RBFOX1: variants seen among roughly 807,000 people sequenced by gnomAD.
RBFOX1 encodes RNA binding fox-1 homolog 1, also known as RNA binding protein fox-1 homolog 1.
Under a neutral mutation model 57.7 loss-of-function variants are expected in RBFOX1, and 8 were observed. The observed-to-expected ratio is 0.14, with a 90% CI of 0.08 to 0.25. RBFOX1 has a LOEUF of 0.25. Ranked by LOEUF, RBFOX1 falls within the 10% of genes least tolerant of loss-of-function variation. The pLI, the probability that RBFOX1 is intolerant of heterozygous loss-of-function variation, is 1.00. For missense variants in RBFOX1, 611 were observed against 548.5 expected, an observed-to-expected ratio of 1.11 and a Z score of -1.14; for synonymous variants, 326 against 222.4, an observed-to-expected ratio of 1.47 and a Z score of -4.15.
intron 1 of RBFOX1, among the ~76,000 whole-genome samples, chr16:6,021,933 C>G (rs1315769028): frequency 6.6e-6 from 1 of 152,196 alleles, no homozygotes; most frequent in African/African-American, 2.4e-5. Context: ...TTTATTCTTT[C>G]AAGTAGATTC....
intron 4 of RBFOX1, among the ~76,000 whole-genome samples, chr16:7,439,108 C>G (rs1326525856): frequency 6.6e-6 from 1 of 152,180 alleles, no homozygotes; most frequent in Non-Finnish European, 1.5e-5. Flanking sequence ...GAGCATGGTC[C>G]TCGCGCTGGC....
At chr16:6,945,966 A>G (rs1013977162) in intron 3 of RBFOX1, among the ~76,000 whole-genome samples, 1 of 152,162 alleles carries the variant, frequency 6.6e-6, no homozygotes, top group South Asian at 2.1e-4. Flanking sequence ...TTCTGCCTCA[A>G]TTTCCACAAG....
chr16:5,299,872 C>A (rs146905024), intron 1 of RBFOX1, among the ~76,000 whole-genome samples: 7 of 151,992 alleles, frequency 4.6e-5, no homozygotes, highest in Non-Finnish European at 8.8e-5. Context: ...TATTCCTGAT[C>A]TTAAGGGAAA....
At chr16:5,886,027 A>G (rs910445707) in intron 4 of RBFOX1, among the ~76,000 whole-genome samples, 1 of 151,782 alleles carries the variant, frequency 6.6e-6, no homozygotes, top group African/African-American at 2.4e-5. Context: ...CGTGGGTAAC[A>G]CCTCTCCCTT....
intron 2 of RBFOX1, among the ~76,000 whole-genome samples, chr16:6,558,815 G>A (rs2097140131): frequency 8.7e-6 from 1 of 115,506 alleles, no homozygotes; most frequent in African/African-American, 3.5e-5. Context: ...ACTAGCTCTT[G>A]CCTTACCGCC....
intron 2 of RBFOX1, among the ~76,000 whole-genome samples, chr16:6,335,030 G>T (rs1258239900): frequency 3.3e-5 from 5 of 152,184 alleles, no homozygotes; most frequent in Non-Finnish European, 7.3e-5. Flanking sequence ...TACCTATTAT[G>T]CCTGTTAGTA....
chr16:6,323,463 A>G (rs2082035697), intron 2 of RBFOX1, among the ~76,000 whole-genome samples: 2 of 152,154 alleles, frequency 1.3e-5, no homozygotes, highest in Non-Finnish European at 1.5e-5. Context: ...TAGCACCTGT[A>G]AAAGTGACAA....
At chr16:7,683,892 G>C (rs868834369) in intron 14 of RBFOX1, among the ~76,000 whole-genome samples, 2 of 152,008 alleles carry the variant, frequency 1.3e-5, no homozygotes, top group African/African-American at 4.8e-5. Flanking sequence ...GCAGAAGATA[G>C]AATATCTTAG....
chr16:5,529,524 G>C (rs1031137781), intron 2 of RBFOX1, among the ~76,000 whole-genome samples: 2 of 150,630 alleles, frequency 1.3e-5, no homozygotes, highest in African/African-American at 4.9e-5. Flanking sequence ...AGCCTCCCAT[G>C]TAGCTGGGAC....
At chr16:7,461,116 C>T (rs938539016) in intron 4 of RBFOX1, among the ~76,000 whole-genome samples, 3 of 152,042 alleles carry the variant, frequency 2.0e-5, no homozygotes, top group Admixed American at 6.6e-5. Flanking sequence ...ATGGCAATAA[C>T]ATTATATTTC....
intron 1 of RBFOX1, among the ~76,000 whole-genome samples, chr16:6,195,715 G>C (rs1320275918): frequency 6.7e-6 from 1 of 149,690 alleles, no homozygotes; most frequent in Non-Finnish European, 1.5e-5. Context: ...GAGAAACTCT[G>C]TCTTTAAAAA....
chr16:6,421,443 G>A (rs1294025791), intron 2 of RBFOX1, among the ~76,000 whole-genome samples: 6 of 152,210 alleles, frequency 3.9e-5, no homozygotes. Flanking sequence ...CTTTAAGGAG[G>A]TTATGAATTC....
intron 2 of RBFOX1, among the ~76,000 whole-genome samples, chr16:5,529,478 C>A (rs932350363): frequency 2.0e-5 from 3 of 150,454 alleles, no homozygotes; most frequent in African/African-American, 7.3e-5. Context: ...CTCACTGCAT[C>A]CTCTGCCTCC....
At chr16:5,469,742 T>C (rs1331087058) in intron 2 of RBFOX1, among the ~76,000 whole-genome samples, 2 of 152,240 alleles carry the variant, frequency 1.3e-5, no homozygotes, top group Admixed American at 6.5e-5. Context: ...GGATATTTTA[T>C]ATAAATGGAA....
intron 2 of RBFOX1, among the ~76,000 whole-genome samples, chr16:6,564,518 C>T (rs867007494): frequency 2.0e-5 from 3 of 151,982 alleles, no homozygotes; most frequent in Non-Finnish European, 4.4e-5. Context: ...ACCTGGGGGA[C>T]ACCGTGCTAA....
chr16:5,943,366 C>A (rs1254340245), intron 4 of RBFOX1, among the ~76,000 whole-genome samples: 1 of 152,186 alleles, frequency 6.6e-6, no homozygotes, highest in Non-Finnish European at 1.5e-5. Flanking sequence ...ACCGTTGATA[C>A]CAAGCCTTGT....
intron 3 of RBFOX1, among the ~76,000 whole-genome samples, chr16:6,686,979 A>G (rs1019151616): frequency 2.6e-5 from 4 of 152,236 alleles, no homozygotes; most frequent in Non-Finnish European, 5.9e-5. Flanking sequence ...TACTCATTAT[A>G]TATAACAAAC....
At chr16:6,185,996 C>T (rs1265243244) in intron 1 of RBFOX1, among the ~76,000 whole-genome samples, 1 of 152,178 alleles carries the variant, frequency 6.6e-6, no homozygotes, top group Non-Finnish European at 1.5e-5. Flanking sequence ...CAATCTTGTA[C>T]TGCTGTGGCA....
intron 3 of RBFOX1, among the ~76,000 whole-genome samples, chr16:6,975,969 A>G (rs766910088): frequency 2.3e-4 from 35 of 152,072 alleles, no homozygotes; most frequent in Admixed American, 1.3e-4. Flanking sequence ...GTACTAAAAA[A>G]TACAAAAATT....
Sources: gnomAD v4.1 joint callset for allele counts (sites outside exome capture counted in the v4.1 genomes callset) on GRCh38, gnomAD v4.1.1 for gene constraint, MANE v1.5 for transcripts, NCBI Gene and HGNC (gene_info 2026-07-23, HGNC 2026-07-21) for gene names.